GALNT14: variants seen among roughly 807,000 people sequenced by gnomAD.
GALNT14 encodes UDP-GalNAc:polypeptide N-acetylgalactosaminyltransferase 14.
In GALNT14, 60 loss-of-function variants were observed where a neutral mutation model predicts 77.5. The observed-to-expected ratio is 0.77, with a 90% CI of 0.63 to 0.96. The LOEUF (loss-of-function observed/expected upper bound fraction) is 0.96, where lower values mean the gene tolerates loss of function less well. Ranked by LOEUF, GALNT14 falls within the 40% of genes least tolerant of loss-of-function variation. The pLI is 0.00. For synonymous variants in GALNT14, 280 were observed against 281.7 expected (o/e 0.99, Z 0.06); for missense variants, 710 against 731.0 (o/e 0.97, Z 0.33).
chr2:30,922,899 A>T (rs993129251), intron 13 of GALNT14, among the ~76,000 whole-genome samples: 62 of 152,244 alleles, frequency 4.1e-4, no homozygotes, highest in Non-Finnish European at 1.8e-4. Flanking sequence ...TTTGTGAATC[A>T]ATAAACAGGA....
At chr2:30,991,329 T>A (rs575391865) in intron 2 of GALNT14, 1 of 151,450 alleles carries the variant, frequency 6.6e-6, no homozygotes, top group African/African-American at 2.5e-5. Context: ...CAGGTTCCTG[T>A]CTCCTGTCTC....
chr2:31,032,793 T>C (rs768312996), intron 1 of GALNT14, among the ~76,000 whole-genome samples: 14 of 152,298 alleles, frequency 9.2e-5, no homozygotes, highest in African/African-American at 2.4e-4. Context: ...GAGTAGAAGA[T>C]GTGATGTGCA....
intron 1 of GALNT14, among the ~76,000 whole-genome samples, chr2:31,118,204 GATCATTAAAGAATAA>G (rs1180137369): frequency 6.6e-6 from 1 of 152,184 alleles, no homozygotes; most frequent in African/African-American, 2.4e-5. Flanking sequence ...AGTTTTATAT[GATCATTAAAGAATAA>G]ATCGGCGAAA....
chr2:31,003,380 T>C (rs1025984862), intron 1 of GALNT14, among the ~76,000 whole-genome samples: 48 of 152,196 alleles, frequency 3.2e-4, no homozygotes, highest in African/African-American at 1.1e-3. Context: ...TACCTCCTCC[T>C]GTCCCTTTTC....
At chr2:30,991,288 G>A (rs964161748) in intron 2 of GALNT14, 2 of 151,960 alleles carry the variant, frequency 1.3e-5, no homozygotes, top group East Asian at 1.9e-4. Context: ...CAGGACAAGG[G>A]TCCACCTGCC....
rs967140347 is a variant in GALNT14, at chr2:31,010,471, C to T, written c.130-17464G>A. Among the ~76,000 whole-genome samples, 72 of 152,260 alleles carry T rather than the reference C, an allele frequency of 4.7e-4. 1 individual carries two copies. The highest frequency in any genetic ancestry group is 3.4e-4 in the African/African-American group (14 of 41,562). On this transcript the variant is annotated intron_variant, in intron 1 of 14. Transcript: ENST00000349752. The stretch of plus-strand genomic sequence containing the variant: ...AAAATAAATAAATAAATAAATTAGC[C>T]GGGCGGGGTGGTGAGCACCTGTAGT...
chr2:30,913,162 T>C (rs917801509), intron 13 of GALNT14, among the ~76,000 whole-genome samples: 1 of 140,216 alleles, frequency 7.1e-6, no homozygotes, highest in Non-Finnish European at 1.6e-5. Context: ...TCCCAGTTCT[T>C]AAGTCAGTGG....
intron 1 of GALNT14, among the ~76,000 whole-genome samples, chr2:31,082,382 A>T (rs532059634): frequency 2.6e-5 from 4 of 152,364 alleles, no homozygotes; most frequent in African/African-American, 9.6e-5. Context: ...GAGGTCAGGA[A>T]CAAGGCTGGC....
At chr2:31,094,816 C>T (rs1486223748) in intron 1 of GALNT14, among the ~76,000 whole-genome samples, 2 of 152,150 alleles carry the variant, frequency 1.3e-5, no homozygotes, top group African/African-American at 4.8e-5. Flanking sequence ...GTAGGAGAAA[C>T]TGAGCTCTGG....
At chr2:31,083,882 C>G (rs201635284) in intron 1 of GALNT14, among the ~76,000 whole-genome samples, 1 of 152,172 alleles carries the variant, frequency 6.6e-6, no homozygotes, top group Non-Finnish European at 1.5e-5. Flanking sequence ...TGCTGAGTCT[C>G]AAAACAGCCA....
the GALNT14 span, among the ~76,000 whole-genome samples, chr2:30,897,962 T>C: frequency 4.6e-5 from 7 of 152,174 alleles, no homozygotes; most frequent in African/African-American, 1.7e-4. Flanking sequence ...TGGCCTCTAA[T>C]GGACCTCTGA....
intron 1 of GALNT14, among the ~76,000 whole-genome samples, chr2:31,002,395 G>A (rs1480756952): frequency 2.0e-5 from 3 of 151,554 alleles, no homozygotes; most frequent in South Asian, 2.1e-4. Flanking sequence ...ATGCCACTGC[G>A]CTCCAACCTG....
chr2:30,948,855 A>T (rs186965364), intron 6 of GALNT14, among the ~76,000 whole-genome samples: 2 of 152,188 alleles, frequency 1.3e-5, no homozygotes, highest in Admixed American at 1.3e-4. Flanking sequence ...ATCTTTCCCC[A>T]GTATTTAAAA....
At chr2:31,084,892 G>C (rs974336128) in intron 1 of GALNT14, among the ~76,000 whole-genome samples, 1 of 152,124 alleles carries the variant, frequency 6.6e-6, no homozygotes, top group South Asian at 2.1e-4. Context: ...AGGCATGGTG[G>C]CATGCACCTG....
chr2:30,890,729 A>T, the GALNT14 span, among the ~76,000 whole-genome samples: 2 of 152,166 alleles, frequency 1.3e-5, no homozygotes, highest in African/African-American at 4.8e-5. Flanking sequence ...CTTCCTCCTC[A>T]GTGTTCCTTG....
rs553890625 is a variant in GALNT14 at position 30,954,423 on chromosome 2, C to T, written c.654+1195G>A. 1.2e-3 allele frequency among the ~76,000 whole-genome samples: 176 copies of T among 152,270 alleles called. 3 individuals are homozygous for T. The highest frequency in any genetic ancestry group is 4.1e-3 in the African/African-American group (169 of 41,548). On this transcript the variant is annotated intron_variant, in intron 6 of 14. Transcript: ENST00000349752. ...TTGCCTCAGCTGGAGTGCAATGGTG[C>T]GATCTCAGCTCTCTGCAACCTCTGC...
At chr2:30,920,158 A>C (rs925735904) in intron 13 of GALNT14, among the ~76,000 whole-genome samples, 1 of 152,206 alleles carries the variant, frequency 6.6e-6, no homozygotes, top group Non-Finnish European at 1.5e-5. Flanking sequence ...AGCATCAGCA[A>C]GAGCAGAGCT....
intron 1 of GALNT14, among the ~76,000 whole-genome samples, chr2:31,064,956 G>A (rs1674842621): frequency 6.9e-6 from 1 of 144,706 alleles, no homozygotes; most frequent in Non-Finnish European, 1.5e-5. Context: ...AAAGTGATTT[G>A]TCTCCTCCCT....
intron 2 of GALNT14, among the ~76,000 whole-genome samples, chr2:30,990,290 G>A (rs1323274309): frequency 1.3e-5 from 2 of 152,222 alleles, no homozygotes; most frequent in East Asian, 1.9e-4. Flanking sequence ...AGCATTAGCT[G>A]TTCAGTTCTG....
Sources: allele counts gnomAD v4.1 joint callset (sites outside exome capture counted in the v4.1 genomes callset), GRCh38; gene constraint gnomAD v4.1.1; transcripts MANE v1.5; gene names NCBI Gene and HGNC (gene_info 2026-07-23, HGNC 2026-07-21).